Variants in GARNL3 observed in about 807,000 individuals in gnomAD.
GARNL3 encodes GTPase activating Rap/RanGAP domain like 3, also known as GTPase-activating Rap/Ran-GAP domain-like protein 3.
A neutral mutation model predicts 125.0 loss-of-function variants in GARNL3; 63 were observed. The ratio of observed to expected loss-of-function variants is 0.50; its 90% CI spans 0.41 to 0.62. The LOEUF is 0.62. GARNL3 is among the 20% of genes least tolerant of loss of function. The pLI is 0.00. For missense variants in GARNL3, 994 were observed against 1,244.0 expected (o/e 0.80, Z 3.02); for synonymous variants, 439 against 457.5 (o/e 0.96, Z 0.52).
intron 1 of GARNL3, among the ~76,000 whole-genome samples, chr9:127,285,527 T>A (rs528453548): frequency 8.2e-4 from 125 of 152,358 alleles, no homozygotes; most frequent in African/African-American, 2.9e-3. Context: ...TATTAAATCA[T>A]GTTTATTAAA....
chr9:127,229,416 T>C (rs1564834122), intron 1 of GARNL3, among the ~76,000 whole-genome samples: 1 of 152,236 alleles, frequency 6.6e-6, no homozygotes, highest in Admixed American at 6.5e-5. Flanking sequence ...CCTGCCTCAA[T>C]TGTGGGCCTG....
In GARNL3 at chr9:127,348,976, C is replaced by T; in HGVS notation, c.1484C>T (p.Ala495Val). ...CSNFPHEAVC[A>V]DPWGQALLVS... is the part of the protein sequence containing the mutation. ...AATTTCCCTCATGAAGCCGTGTGTG[C>T]AGATCCCTGGGGCCAGGCCTTGCTG... Residue 495 changes from alanine (A) to valine (V), a missense_variant, in exon 17 of 28, where the codon GCA (alanine) becomes GTA (valine). By Grantham distance (64) the Ala-to-Val change is moderately conservative. Transcript: ENST00000373387. The T allele has an allele frequency of 6.2e-7, 1 of 1,613,938 alleles. No individual in the cohort carries two copies. The highest frequency in any genetic ancestry group is 8.5e-7 in the Non-Finnish European group (1 of 1,179,934).
rs985015198 is a variant in GARNL3 at position 127,393,331 on chromosome 9, T to C, written c.*77T>C. 4.3e-6 allele frequency: 6 copies of C among 1,388,096 alleles called. No individual in the cohort carries two copies. The highest frequency in any genetic ancestry group is 6.0e-6 in the Non-Finnish European group (6 of 1,007,480). The allele number at this position is 1,388,096 out of a possible 1,614,324, so 86.0% of individuals were successfully genotyped here. On this transcript the variant is annotated 3_prime_UTR_variant, in exon 28 of 28. Transcript: ENST00000373387. ...CTTTAAACAGTTCTGATGTAATTTCTCAACAAAATGTGGCTTTTAGCCTGT... is the reference window on the plus strand; with the variant it reads ...CTTTAAACAGTTCTGATGTAATTTCCCAACAAAATGTGGCTTTTAGCCTGT...
intron 27 of GARNL3, among the ~76,000 whole-genome samples, chr9:127,391,809 G>A (rs568641807): frequency 9.2e-5 from 14 of 151,990 alleles, no homozygotes; most frequent in African/African-American, 3.1e-4. Context: ...CGAATGCCAG[G>A]TCAGCATCAC....
intron 22 of GARNL3, among the ~76,000 whole-genome samples, chr9:127,372,793 C>T (rs550774853): frequency 5.9e-5 from 9 of 152,300 alleles, no homozygotes; most frequent in Non-Finnish European, 1.3e-4. Flanking sequence ...ATGCAAGAAA[C>T]AGAGAAGTAC....
At chr9:127,296,961 G>C (rs2064617764) in intron 2 of GARNL3, among the ~76,000 whole-genome samples, 2 of 151,982 alleles carry the variant, frequency 1.3e-5, no homozygotes, top group Non-Finnish European at 2.9e-5. Context: ...TAGAACAAAA[G>C]ATGTTCCTGT....
At chr9:127,342,125 G>A in intron 13 of GARNL3, 94 bp from the exon 14 acceptor site, 2 of 855,070 alleles carry the variant, frequency 2.3e-6, no homozygotes, top group Non-Finnish European at 3.9e-6. Flanking sequence ...TAGATTCACA[G>A]AACTAAAGAA....
chr9:127,332,274 G>C lies in GARNL3; in HGVS notation c.595G>C (p.Gly199Arg). 1 of 1,611,222 alleles carries C rather than the reference G, an allele frequency of 6.2e-7. No homozygotes were observed. The highest frequency in any genetic ancestry group is 8.5e-7 in the Non-Finnish European group (1 of 1,177,508). Residue 199 changes from glycine (G) to arginine (R), a missense_variant and splice_region_variant, in exon 8 of 28, where the codon GGC (glycine) becomes CGC (arginine). Transcript: ENST00000373387. ...TAACACCTTTTGTTATTATCCTAAG[G>C]GCTCTGTGAATTTCAAGTTTGGGGT... is the stretch of plus-strand genomic sequence containing the variant. ...KDLLVLEEQEGSVNFKFGVLF... is the reference protein window; with the variant it reads ...KDLLVLEEQERSVNFKFGVLF...
chr9:127,287,365 T>G (rs918781063), intron 1 of GARNL3, among the ~76,000 whole-genome samples: 4 of 150,938 alleles, frequency 2.7e-5, no homozygotes, highest in Non-Finnish European at 5.9e-5. Context: ...TGTAGATTTT[T>G]TATAGTTGTA....
At chr9:127,239,071 C>T (rs928644427) in intron 1 of GARNL3, among the ~76,000 whole-genome samples, 1 of 152,208 alleles carries the variant, frequency 6.6e-6, no homozygotes, top group African/African-American at 2.4e-5. Context: ...TTACCTGTTC[C>T]TGTGCTGTAT....
chr9:127,373,493 G>A lies in GARNL3; in HGVS notation c.2161+8127G>A, dbSNP rs1215015481. Among the ~76,000 whole-genome samples, 7 of 152,308 alleles carry A rather than the reference G, an allele frequency of 4.6e-5. No individual in the cohort carries two copies. In the East Asian group the frequency reaches 7.7e-4, roughly 17 times the overall value. On this transcript the variant is annotated intron_variant, in intron 22 of 27. Coordinates refer to ENST00000373387, the MANE Select transcript of GARNL3 (RefSeq NM_032293.5). ...TAAAAAGATAAAATCAGCCGGGTCC[G>A]ATGGCTCACGCCTGTTTTCCCAGCA...
chr9:127,269,526 T>C (rs2131284438), intron 1 of GARNL3, among the ~76,000 whole-genome samples: 1 of 152,354 alleles, frequency 6.6e-6, no homozygotes, highest in East Asian at 1.9e-4. Flanking sequence ...CTGTTTTACA[T>C]TTCCACCAGC....
At chr9:127,342,405 C>A in intron 14 of GARNL3, 71 bp downstream of exon 14, 1 of 989,626 alleles carries the variant, frequency 1.0e-6, no homozygotes, top group Non-Finnish European at 1.6e-6. Flanking sequence ...CTCAACTCAG[C>A]GATGAGGCCC....
chr9:127,389,580 G>A (rs976804677), intron 26 of GARNL3, among the ~76,000 whole-genome samples: 14 of 152,248 alleles, frequency 9.2e-5, no homozygotes, highest in Non-Finnish European at 1.6e-4. Flanking sequence ...GACAGTGGGG[G>A]CAGGTCTGTG....
At chr9:127,317,746 A>G (rs1240536993) in intron 4 of GARNL3, among the ~76,000 whole-genome samples, 1 of 152,012 alleles carries the variant, frequency 6.6e-6, no homozygotes, top group Non-Finnish European at 1.5e-5. Context: ...CAACAACAAC[A>G]ACAACAACGA....
In GARNL3 at chr9:127,384,191, T is replaced by C. The variant is rs1329226304; in HGVS notation, c.2269+646T>C. ...AGATCCTGGGAGGACCAGTTAGACT[T>C]GATGACAGATTAGATCTGGTAGACA... On this transcript the variant is annotated intron_variant, in intron 23 of 27. Coordinates refer to ENST00000373387, the MANE Select transcript of GARNL3 (RefSeq NM_032293.5). This position sits in a 1 kb window ranked among gnomAD's most constrained non-coding sequence, Gnocchi z 4.0. 6.6e-6 allele frequency among the ~76,000 whole-genome samples: 1 copy of C among 152,062 alleles called. No homozygotes were observed. The highest frequency in any genetic ancestry group is 2.4e-5 in the African/African-American group (1 of 41,404).
At chr9:127,282,700 C>T (rs753515115) in intron 1 of GARNL3, among the ~76,000 whole-genome samples, 20 of 152,014 alleles carry the variant, frequency 1.3e-4, no homozygotes, top group Non-Finnish European at 2.6e-4. Context: ...AATATTGTTC[C>T]TGTGATTTAT....
intron 2 of GARNL3, chr9:127,243,309 C>T (rs559242169): frequency 7.8e-7 from 1 of 1,286,990 alleles, no homozygotes; most frequent in Non-Finnish European, 1.1e-6. Context: ...AGCTTGAAAT[C>T]CCTTAATGTT....
At chr9:127,292,102 T>A (rs2064439575) in intron 2 of GARNL3, among the ~76,000 whole-genome samples, 1 of 152,132 alleles carries the variant, frequency 6.6e-6, no homozygotes, top group Non-Finnish European at 1.5e-5. Context: ...GACCACCTCC[T>A]AATGCAAATT....
Sources: gnomAD v4.1 joint callset for allele counts (sites outside exome capture counted in the v4.1 genomes callset) on GRCh38, gnomAD v4.1.1 for gene constraint, Gnocchi (gnomAD v3.1) non-coding constraint, MANE v1.5 for transcripts, NCBI Gene and HGNC (gene_info 2026-07-23, HGNC 2026-07-21) for gene names.